The following GALNTL6 variants were observed in gnomAD, a reference collection of about 807,000 sequenced individuals.
GALNTL6 encodes the protein polypeptide N-acetylgalactosaminyltransferase-like 6.
In GALNTL6, 46 loss-of-function variants were observed where a neutral mutation model predicts 73.7. The ratio of observed to expected loss-of-function variants is 0.62; its 90% confidence interval spans 0.49 to 0.80. The LOEUF (loss-of-function observed/expected upper bound fraction) is 0.80, where lower values mean the gene tolerates loss of function less well. Among genes scored for constraint, GALNTL6 ranks in the 30% least tolerant of loss-of-function variants. GALNTL6 has a pLI of 0.00. For synonymous variants in GALNTL6, 259 were observed against 263.7 expected (o/e 0.98, Z 0.17); for missense variants, 604 against 755.0 (o/e 0.80, Z 2.34).
Position 171,952,398 on chromosome 4 carries a change from A to C in GALNTL6, c.138+137680A>C, listed in dbSNP as rs538021893. Among the ~76,000 whole-genome samples, 3 of 152,106 alleles carry C rather than the reference A, an allele frequency of 2.0e-5. No individual in the cohort carries two copies. The South Asian group carries it at 6.2e-4, about 32-fold the overall frequency. On this transcript the variant is annotated intron_variant, in intron 2 of 12. Transcript: ENST00000506823. ...CTTCTTATTCAAATGGTTTTAAAAAATAGAAAATTTCAATATATACAATAT... is the reference window on the plus strand; with the variant it reads ...CTTCTTATTCAAATGGTTTTAAAAACTAGAAAATTTCAATATATACAATAT...
chr4:172,017,752 G>A (rs34227576), intron 2 of GALNTL6, among the ~76,000 whole-genome samples: 3,365 of 152,146 alleles, frequency 0.022, 118 homozygotes, highest in African/African-American at 0.072. Flanking sequence ...CATTTCCTAA[G>A]AGCCAGACTG....
chr4:172,180,536 T>C (rs1735207576), intron 2 of GALNTL6, among the ~76,000 whole-genome samples: 2 of 152,194 alleles, frequency 1.3e-5, no homozygotes, highest in South Asian at 4.1e-4. Flanking sequence ...GCCTATGTCC[T>C]GTATGGTATT....
chr4:172,492,922 C>T (rs1733947132), intron 5 of GALNTL6, among the ~76,000 whole-genome samples: 1 of 152,140 alleles, frequency 6.6e-6, no homozygotes, highest in South Asian at 2.1e-4. Flanking sequence ...AACTGTGTGT[C>T]TGCATGCGCA....
chr4:172,466,083 T>C, intron 5 of GALNTL6, among the ~76,000 whole-genome samples: 1 of 152,324 alleles, frequency 6.6e-6, no homozygotes, highest in Middle Eastern at 3.4e-3. Context: ...AATGCGTCTT[T>C]AATAACTTTT....
chr4:172,883,262 T>C (rs993136787), intron 8 of GALNTL6, among the ~76,000 whole-genome samples: 1 of 152,188 alleles, frequency 6.6e-6, no homozygotes, highest in African/African-American at 2.4e-5. Context: ...ATACAATAAA[T>C]TATTGTGAAC....
intron 7 of GALNTL6, among the ~76,000 whole-genome samples, chr4:172,830,400 T>TA (rs1319370708): frequency 1.3e-5 from 2 of 150,318 alleles, no homozygotes; most frequent in Admixed American, 6.7e-5. Flanking sequence ...CCTAAAATAT[T>TA]AAAAACGACA....
At chr4:172,461,594 A>T (rs976116534) in intron 5 of GALNTL6, among the ~76,000 whole-genome samples, 4 of 152,176 alleles carry the variant, frequency 2.6e-5, no homozygotes, top group African/African-American at 9.6e-5. Context: ...AAGGATAAAT[A>T]TCCCTTCCTT....
chr4:172,490,690 T>A (rs981544660), intron 5 of GALNTL6, among the ~76,000 whole-genome samples: 1 of 152,106 alleles, frequency 6.6e-6, no homozygotes, highest in African/African-American at 2.4e-5. Context: ...ACAACAACAC[T>A]CTGTGGTGTG....
chr4:172,500,219 G>T (rs1357470092), intron 5 of GALNTL6, among the ~76,000 whole-genome samples: 1 of 152,216 alleles, frequency 6.6e-6, no homozygotes, highest in Non-Finnish European at 1.5e-5. Context: ...TCAGGAGTGC[G>T]AGACCAGCCT....
In GALNTL6 at chr4:172,880,611, A is replaced by C. The variant is rs181771864; in HGVS notation, c.924-2179A>C. 9.9e-5 allele frequency among the ~76,000 whole-genome samples: 15 copies of C among 152,282 alleles called. No homozygotes were observed. In the East Asian group the frequency reaches 2.3e-3, roughly 23 times the overall value. On this transcript the variant is annotated intron_variant, in intron 7 of 12. Coordinates refer to ENST00000506823, the MANE Select transcript of GALNTL6 (RefSeq NM_001034845.3). ...AGATAAACACAAGTCAAAACCTATC[A>C]AACTGTACACTTAAAATATGTGCAA...
intron 7 of GALNTL6, among the ~76,000 whole-genome samples, chr4:172,863,660 G>T (rs1485040229): frequency 1.3e-5 from 2 of 152,040 alleles, no homozygotes; most frequent in South Asian, 2.1e-4. Context: ...GAAGAGATTT[G>T]CCTTGTCTCA....
intron 2 of GALNTL6, among the ~76,000 whole-genome samples, chr4:171,982,587 C>T (rs553898150): frequency 1.3e-5 from 2 of 152,108 alleles, no homozygotes; most frequent in South Asian, 2.1e-4. Context: ...CATGAGCCAC[C>T]GCGCCCGACC....
intron 5 of GALNTL6, among the ~76,000 whole-genome samples, chr4:172,775,341 C>T (rs1739013436): frequency 6.6e-6 from 1 of 152,132 alleles, no homozygotes; most frequent in Non-Finnish European, 1.5e-5. Flanking sequence ...AGTTTCTATA[C>T]CTAAGAAGAT....
At chr4:172,561,041 C>G (rs1237429978) in intron 5 of GALNTL6, among the ~76,000 whole-genome samples, 1 of 151,776 alleles carries the variant, frequency 6.6e-6, no homozygotes, top group Non-Finnish European at 1.5e-5. Flanking sequence ...ATCATGAGGT[C>G]AGGAGATCGA....
chr4:172,955,803 G>A (rs928018226), intron 10 of GALNTL6, among the ~76,000 whole-genome samples: 20 of 151,522 alleles, frequency 1.3e-4, no homozygotes, highest in South Asian at 6.3e-4. Flanking sequence ...GTAGGTAAAG[G>A]AAAATTACAG....
chr4:172,665,973 GCTTTT>G (rs1731641062), intron 5 of GALNTL6, among the ~76,000 whole-genome samples: 2 of 151,682 alleles, frequency 1.3e-5, no homozygotes, highest in Admixed American at 1.3e-4. Context: ...TACATATTCT[GCTTTT>G]CTTTATTTTT....
At chr4:172,751,903 C>T (rs1206214564) in intron 5 of GALNTL6, among the ~76,000 whole-genome samples, 2 of 152,070 alleles carry the variant, frequency 1.3e-5, no homozygotes, top group African/African-American at 4.8e-5. Context: ...CAAAGTCATA[C>T]GTGCTTGTAC....
At chr4:172,057,019 GTTGGT>G (rs1731036623) in intron 2 of GALNTL6, among the ~76,000 whole-genome samples, 1 of 152,086 alleles carries the variant, frequency 6.6e-6, no homozygotes, top group African/African-American at 2.4e-5. Context: ...TCTTTGTAGT[GTTGGT>G]TTGAACTGTT....
chr4:172,450,152 G>C (rs1174712197), intron 5 of GALNTL6, among the ~76,000 whole-genome samples: 1 of 151,842 alleles, frequency 6.6e-6, no homozygotes, highest in South Asian at 2.1e-4. Flanking sequence ...GGGAGGCAGA[G>C]GTTGCAGTGA....
Sources: gnomAD v4.1 joint callset for allele counts (sites outside exome capture counted in the v4.1 genomes callset) on GRCh38, gnomAD v4.1.1 for gene constraint, MANE v1.5 for transcripts, NCBI Gene and HGNC (gene_info 2026-07-23, HGNC 2026-07-21) for gene names.